TRHDE: variants seen among roughly 807,000 people sequenced by gnomAD.
TRHDE encodes the protein thyrotropin-releasing hormone-degrading ectoenzyme.
A neutral mutation model predicts 125.7 loss-of-function variants in TRHDE; 72 were observed. The ratio of observed to expected loss-of-function variants is 0.57; its 90% CI spans 0.47 to 0.70. The LOEUF (loss-of-function observed/expected upper bound fraction) is 0.70. Ranked by LOEUF, TRHDE falls within the 30% of genes least tolerant of loss-of-function variation. The pLI is 0.00. For synonymous variants in TRHDE, 509 were observed against 509.1 expected (o/e 1.00, Z 0.00); for missense variants, 1,110 against 1,327.1 (o/e 0.84, Z 2.54).
upstream of TRHDE, among the ~76,000 whole-genome samples, chr12:72,268,305 T>C (rs7137961): frequency 7.2e-5 from 11 of 152,028 alleles, no homozygotes; most frequent in Non-Finnish European, 1.2e-4. Context: ...TTTTATAAAA[T>C]TTACCCATTA....
intron 6 of TRHDE, among the ~76,000 whole-genome samples, chr12:72,521,136 T>A (rs1879175294): frequency 6.6e-6 from 1 of 152,218 alleles, no homozygotes; most frequent in Non-Finnish European, 1.5e-5. Context: ...ATACTATACA[T>A]GTATCCAAAT....
At chr12:72,242,459 T>A (rs10879381) in intron 2 of TRHDE, among the ~76,000 whole-genome samples, 71,609 of 152,002 alleles carry the variant, frequency 0.47, 17,604 homozygotes, top group Middle Eastern at 0.56. Context: ...AGAGAAGAAA[T>A]TTATGCCAGA....
chr12:72,599,090 A>G (rs1565805373), intron 12 of TRHDE, among the ~76,000 whole-genome samples: 1 of 152,090 alleles, frequency 6.6e-6, no homozygotes, highest in Non-Finnish European at 1.5e-5. Flanking sequence ...ATAGTATTCC[A>G]TGGTGTATAT....
intron 3 of TRHDE, among the ~76,000 whole-genome samples, chr12:72,464,603 T>C (rs1876280952): frequency 6.6e-6 from 1 of 152,000 alleles, no homozygotes; most frequent in Admixed American, 6.6e-5. Flanking sequence ...TTTTCAAAAG[T>C]CAGAAAGTGG....
At chr12:72,092,338 A>G (rs192108015) in intron 1 of TRHDE, among the ~76,000 whole-genome samples, 2 of 152,368 alleles carry the variant, frequency 1.3e-5, no homozygotes, top group Admixed American at 1.3e-4. Context: ...AAGTCACATT[A>G]TCAAAACCTT....
chr12:72,440,024 T>C (rs1874924481), intron 3 of TRHDE, among the ~76,000 whole-genome samples: 1 of 151,996 alleles, frequency 6.6e-6, no homozygotes, highest in African/African-American at 2.4e-5. Context: ...GATTATATGG[T>C]TTTTGTTCTT....
At chr12:72,471,205 C>A (rs10879431) in intron 4 of TRHDE, among the ~76,000 whole-genome samples, 21,620 of 151,986 alleles carry the variant, frequency 0.14, 2,552 homozygotes, top group African/African-American at 0.32. Context: ...TGCACTGAAC[C>A]TGTAAGATGT....
intron 1 of TRHDE, among the ~76,000 whole-genome samples, chr12:72,104,340 G>A (rs1469235436): frequency 6.6e-6 from 1 of 152,094 alleles, no homozygotes; most frequent in Non-Finnish European, 1.5e-5. Flanking sequence ...TGTGTGGCTT[G>A]GGTCATCTCT....
At chr12:72,096,247 G>T (rs1308114175) in intron 1 of TRHDE, among the ~76,000 whole-genome samples, 3 of 151,602 alleles carry the variant, frequency 2.0e-5, no homozygotes, top group Non-Finnish European at 2.9e-5. Flanking sequence ...CCAGCATTTG[G>T]ACCTTAAATA....
At chr12:72,131,319 G>A (rs1206599846) in intron 2 of TRHDE, among the ~76,000 whole-genome samples, 5 of 151,712 alleles carry the variant, frequency 3.3e-5, no homozygotes, top group African/African-American at 7.3e-5. Flanking sequence ...TGATCCGCCC[G>A]CCTCGGCCTC....
intron 2 of TRHDE, among the ~76,000 whole-genome samples, chr12:72,347,941 G>A (rs1043824566): frequency 4.6e-5 from 7 of 152,012 alleles, no homozygotes; most frequent in African/African-American, 1.2e-4. Flanking sequence ...GTGAATACCA[G>A]TAGGCAGGGG....
At chr12:72,574,054 T>G (rs1368987597) in intron 10 of TRHDE, among the ~76,000 whole-genome samples, 2 of 152,046 alleles carry the variant, frequency 1.3e-5, no homozygotes, top group African/African-American at 4.8e-5. Flanking sequence ...GTTTATTAGT[T>G]CACTTCATTC....
At chr12:72,271,759 G>A (rs1023371475), upstream of TRHDE, 3 of 382,162 alleles carry the variant, frequency 7.9e-6, no homozygotes, top group Non-Finnish European at 5.3e-6. Flanking sequence ...ATGCACACGC[G>A]CTCGGACATA....
At chr12:72,371,870 A>T (rs563500787) in intron 2 of TRHDE, among the ~76,000 whole-genome samples, 6 of 152,256 alleles carry the variant, frequency 3.9e-5, no homozygotes, top group Non-Finnish European at 8.8e-5. Flanking sequence ...ATGTGTCTTT[A>T]TAGCAGCATG....
chr12:72,404,878 G>A (rs1215666441), intron 3 of TRHDE, among the ~76,000 whole-genome samples: 3 of 152,182 alleles, frequency 2.0e-5, no homozygotes, highest in African/African-American at 4.8e-5. Flanking sequence ...TATCCTGTCA[G>A]TGCCTTGTCT....
chr12:72,194,446 T>TG (rs769564926), intron 2 of TRHDE, among the ~76,000 whole-genome samples: 3 of 152,164 alleles, frequency 2.0e-5, no homozygotes, highest in East Asian at 3.9e-4. Flanking sequence ...ATTTTAGATT[T>TG]GGGGGGTACA....
intron 2 of TRHDE, among the ~76,000 whole-genome samples, chr12:72,343,763 A>T (rs10879405): frequency 0.12 from 18,818 of 152,130 alleles, 1,748 homozygotes; most frequent in East Asian, 0.46. Flanking sequence ...CTTAAAAGAT[A>T]TAAAGGAAGG....
chr12:72,341,978 A>C (rs1197223174), intron 2 of TRHDE, among the ~76,000 whole-genome samples: 1 of 152,138 alleles, frequency 6.6e-6, no homozygotes, highest in Non-Finnish European at 1.5e-5. Flanking sequence ...AGCAGGAAAT[A>C]AGTCAGTATT....
At chr12:72,127,171 TATCAAAACGTTAAAAA>T (rs1875733610) in intron 2 of TRHDE, among the ~76,000 whole-genome samples, 1 of 152,144 alleles carries the variant, frequency 6.6e-6, no homozygotes, top group Non-Finnish European at 1.5e-5. Flanking sequence ...GAATGGCTAT[TATCAAAACGTTAAAAA>T]ATAACAGATG....
Sources: allele counts gnomAD v4.1 joint callset (sites outside exome capture counted in the v4.1 genomes callset), GRCh38; gene constraint gnomAD v4.1.1; transcripts MANE v1.5; gene names NCBI Gene and HGNC (gene_info 2026-07-23, HGNC 2026-07-21).